The following ECH1 variants were observed in gnomAD, a reference collection of about 807,000 sequenced individuals.
The protein encoded by ECH1 is enoyl-CoA hydratase 1, also known as delta(3,5)-Delta(2,4)-dienoyl-CoA isomerase, mitochondrial.
A neutral mutation model predicts 37.0 loss-of-function variants in ECH1; 30 were observed. The ratio of observed to expected loss-of-function variants is 0.81; its 90% CI spans 0.61 to 1.10. ECH1 has a LOEUF of 1.10. ECH1 is among the 50% of genes least tolerant of loss of function. The pLI, the probability that ECH1 is intolerant of heterozygous loss-of-function variation, is 0.00. For synonymous variants in ECH1, 178 were observed against 176.0 expected, an observed-to-expected ratio of 1.01 and a Z score of -0.09; for missense variants, 456 against 441.6, an observed-to-expected ratio of 1.03 and a Z score of -0.29.
chr19:38,825,554 C>T (rs11668179), intron 3 of ECH1, among the ~76,000 whole-genome samples: 68,327 of 151,896 alleles, frequency 0.45, 16,744 homozygotes, highest in Non-Finnish European at 0.56. Flanking sequence ...AATTTGGAGG[C>T]ATTATCAAAA....
At chr19:38,816,800 CT>C in intron 6 of ECH1, 1 of 622,138 alleles carries the variant, frequency 1.6e-6, no homozygotes, top group Non-Finnish European at 2.8e-6. Flanking sequence ...CCTGAGACCC[CT>C]TTACTGCATC....
At chr19:38,830,084 G>A (rs1971796805) in intron 3 of ECH1, among the ~76,000 whole-genome samples, 1 of 152,214 alleles carries the variant, frequency 6.6e-6, no homozygotes, top group Non-Finnish European at 1.5e-5. Context: ...TTGAACCCAG[G>A]AAGCAGAGGT....
At chr19:38,827,045 G>GAGAAGGAGGGGAAGGAGGGGA (rs1971749333) in intron 3 of ECH1, among the ~76,000 whole-genome samples, 1 of 141,154 alleles carries the variant, frequency 7.1e-6, no homozygotes, top group African/African-American at 2.6e-5. Context: ...GGAGGAGAGG[G>GAGAAGGAGGGGAAGGAGGGGA]AGAAGGAGGG....
intron 5 of ECH1, 61 bp from the exon 6 acceptor site, chr19:38,817,190 G>T (rs1360789351): frequency 1.3e-6 from 2 of 1,551,448 alleles, no homozygotes; most frequent in Non-Finnish European, 1.7e-6. Context: ...CTCCCGGGAG[G>T]TGGGGCTGCC....
At chr19:38,829,087 C>T (rs1380230788) in intron 3 of ECH1, among the ~76,000 whole-genome samples, 1 of 150,706 alleles carries the variant, frequency 6.6e-6, no homozygotes, top group Admixed American at 6.6e-5. Context: ...GAGTTCAAGA[C>T]CCGCCTGGCC....
At chr19:38,820,130 G>A (rs565935921) in intron 3 of ECH1, 7 of 279,360 alleles carry the variant, frequency 2.5e-5, no homozygotes, top group East Asian at 3.9e-4. Flanking sequence ...GCGCGATCTC[G>A]GCTCACTGCA....
rs1377874059 is a variant in ECH1, at chr19:38,817,328, AG to A, written c.510del (p.Cys171AlafsTer25). 4.5e-6 allele frequency: 7 copies of A among 1,568,148 alleles called. No individual in the cohort carries two copies. The highest frequency in any genetic ancestry group is 6.1e-6 in the Non-Finnish European group (7 of 1,154,122). On this transcript the variant is annotated frameshift_variant, in exon 5 of 10. Coordinates refer to ENST00000221418, the MANE Select transcript of ECH1 (RefSeq NM_001398.3). LOFTEE classifies it high-confidence loss of function. ...GCCGCAGACTCACCTCCGCCAATGC[AG>A]CCCCCATGGACGGCAGCAATCACGG... ...PKPVIAAVHG[G>X]CIGGGVDLVT...
At chr19:38,815,763 G>A in intron 9 of ECH1, 46 bp from the exon 10 acceptor site, 1 of 1,613,344 alleles carries the variant, frequency 6.2e-7, no homozygotes, top group Non-Finnish European at 8.5e-7. Flanking sequence ...AGATTAGCAG[G>A]GGCCAATCAG....
At chr19:38,819,665 G>A (rs978750594) in intron 3 of ECH1, among the ~76,000 whole-genome samples, 1 of 152,090 alleles carries the variant, frequency 6.6e-6, no homozygotes, top group African/African-American at 2.4e-5. Flanking sequence ...ATATTTTGGG[G>A]CTGGGCGTAG....
chr19:38,817,242 T>G, intron 5 of ECH1, 74 bp downstream of exon 5: 1 of 1,536,574 alleles, frequency 6.5e-7, no homozygotes, highest in Non-Finnish European at 8.8e-7. Context: ...TGAGGCTGGA[T>G]GCCAGTGGCC....
Position 38,817,366 on chromosome 19 carries a change from T to G in ECH1, c.475-2A>C, listed in dbSNP as rs1448350986. The G allele has an allele frequency of 6.3e-7, 1 of 1,596,252 alleles. No individual in the cohort carries two copies. Among genetic ancestry groups the G allele is most frequent in the East Asian group, 2.3e-5 (1 of 44,254 alleles). On this transcript the variant is annotated splice_acceptor_variant, in intron 4 of 9. Coordinates refer to ENST00000221418, the MANE Select transcript of ECH1 (RefSeq NM_001398.3). LOFTEE classifies it high-confidence loss of function. Reference sequence around the variant, plus strand: ...GGCAGCAATCACGGGCTTGGGGCACTGAGAGGGAACAGGAAGAGTGGGGTC... The same window carrying G: ...GGCAGCAATCACGGGCTTGGGGCACGGAGAGGGAACAGGAAGAGTGGGGTC...
intron 3 of ECH1, among the ~76,000 whole-genome samples, chr19:38,823,785 G>A (rs775362216): frequency 2.4e-4 from 37 of 152,142 alleles, no homozygotes; most frequent in African/African-American, 7.0e-4. Flanking sequence ...TCTTGCCCCC[G>A]GGTCCTAATG....
At chr19:38,828,462 C>T in intron 3 of ECH1, among the ~76,000 whole-genome samples, 1 of 152,044 alleles carries the variant, frequency 6.6e-6, no homozygotes, top group East Asian at 1.9e-4. Context: ...GAACTCCTGA[C>T]CTCAAGTGAT....
chr19:38,821,322 G>T (rs530194270), intron 3 of ECH1, among the ~76,000 whole-genome samples: 1 of 152,208 alleles, frequency 6.6e-6, no homozygotes, highest in South Asian at 2.1e-4. Flanking sequence ...ATGAAAGAAA[G>T]AGAGAGAGAA....
At position 38,815,859 on chromosome 19, in the gene ECH1, C is replaced by T. The variant is rs1273522568; in HGVS notation, c.880G>A (p.Val294Met). 6 of 1,614,148 alleles carry T rather than the reference C, an allele frequency of 3.7e-6. No individual in the cohort carries two copies. Among genetic ancestry groups the T allele is most frequent in the Non-Finnish European group, 5.1e-6 (6 of 1,180,022 alleles). Reference protein sequence around the residue: ...DHSVAESLNYVASWNMSMLQT... With the variant: ...DHSVAESLNYMASWNMSMLQT... ...ATTGGTCGGAGCGTGCACCTTACCACGTAGTTGAGGCTCTCGGCCACCGAA... is the reference window on the plus strand; with the variant it reads ...ATTGGTCGGAGCGTGCACCTTACCATGTAGTTGAGGCTCTCGGCCACCGAA... Residue 294 changes from valine (V) to methionine (M), a missense_variant and splice_region_variant, in exon 9 of 10, where the codon GTG (valine) becomes ATG (methionine). Val to Met is a conservative substitution (Grantham distance 21, BLOSUM62 1). Transcript: ENST00000221418.
chr19:38,816,032 G>A (rs1466834350), intron 8 of ECH1, 25 bp from the exon 9 acceptor site: 7 of 1,610,754 alleles, frequency 4.3e-6, no homozygotes, highest in East Asian at 4.5e-5. Context: ...ATCAGGGACC[G>A]GGTGGGCTGG....
chr19:38,821,216 T>C (rs1328592286), intron 3 of ECH1, among the ~76,000 whole-genome samples: 1 of 148,768 alleles, frequency 6.7e-6, no homozygotes, highest in Non-Finnish European at 1.5e-5. Flanking sequence ...GGGGCTGAGG[T>C]GGGAGGGGTT....
intron 3 of ECH1, 130 bp from the exon 4 acceptor site, chr19:38,817,705 C>G: frequency 7.0e-7 from 1 of 1,427,376 alleles, no homozygotes; most frequent in Non-Finnish European, 9.2e-7. Flanking sequence ...ACAACTCACA[C>G]AGGACTTGGT....
At chr19:38,821,354 G>A (rs1346143768) in intron 3 of ECH1, among the ~76,000 whole-genome samples, 3 of 152,200 alleles carry the variant, frequency 2.0e-5, no homozygotes, top group Non-Finnish European at 2.9e-5. Context: ...GTGACAGCAT[G>A]CTGGCAGCCC....
Sources: gnomAD v4.1 joint callset for allele counts (sites outside exome capture counted in the v4.1 genomes callset) on GRCh38, gnomAD v4.1.1 for gene constraint, MANE v1.5 for transcripts, NCBI Gene and HGNC (gene_info 2026-07-23, HGNC 2026-07-21) for gene names.